LRPPRC: variants seen among roughly 807,000 people sequenced by gnomAD.
The protein encoded by LRPPRC is leucine-rich PPR motif-containing protein, mitochondrial.
LRPPRC carries 120 observed loss-of-function variants against 180.3 expected under a neutral mutation model. The ratio of observed to expected loss-of-function variants is 0.67; its 90% CI spans 0.57 to 0.77. The LOEUF (loss-of-function observed/expected upper bound fraction) is 0.77, where lower values mean the gene tolerates loss of function less well. Ranked by LOEUF, LRPPRC falls within the 30% of genes least tolerant of loss-of-function variation. The pLI is 0.00. For missense variants in LRPPRC, 2,012 were observed against 1,657.2 expected (o/e 1.21, Z -3.72); for synonymous variants, 723 against 600.0 (o/e 1.21, Z -3.00).
intron 27 of LRPPRC, among the ~76,000 whole-genome samples, chr2:43,923,929 G>A (rs1159016644): frequency 6.6e-6 from 1 of 152,046 alleles, no homozygotes; most frequent in Non-Finnish European, 1.5e-5. Context: ...TAAAATACAG[G>A]TTTTTAATTC....
chr2:43,969,144 G>A (rs1166142282), intron 11 of LRPPRC, among the ~76,000 whole-genome samples: 4 of 152,230 alleles, frequency 2.6e-5, no homozygotes, highest in Admixed American at 2.0e-4. Flanking sequence ...CGGGCGCAGA[G>A]GCTCACGCCT....
intron 33 of LRPPRC, 24 bp from the exon 34 acceptor site, chr2:43,899,358 A>G: frequency 1.2e-6 from 2 of 1,608,216 alleles, no homozygotes; most frequent in Non-Finnish European, 1.7e-6. Flanking sequence ...AGGTAAGAAA[A>G]ATCTTTCATT....
intron 17 of LRPPRC, 105 bp downstream of exon 17, chr2:43,948,307 A>T: frequency 1.1e-6 from 1 of 917,606 alleles, no homozygotes; most frequent in Non-Finnish European, 1.8e-6. Flanking sequence ...CAACTCTTGC[A>T]TGTCATTGAG....
intron 30 of LRPPRC, 106 bp downstream of exon 30, chr2:43,912,326 C>G: frequency 9.9e-7 from 1 of 1,005,726 alleles, no homozygotes. Context: ...TAGCTGAGGC[C>G]AATCAAGCAA....
At chr2:43,930,397 C>T (rs902639087) in intron 25 of LRPPRC, among the ~76,000 whole-genome samples, 2 of 152,140 alleles carry the variant, frequency 1.3e-5, no homozygotes, top group Non-Finnish European at 2.9e-5. Context: ...AACTACTATA[C>T]GTTGAGTATC....
intron 36 of LRPPRC, among the ~76,000 whole-genome samples, chr2:43,892,243 G>A (rs1032835027): frequency 1.3e-5 from 2 of 152,224 alleles, no homozygotes; most frequent in Admixed American, 6.5e-5. Context: ...ATTAGAAGAT[G>A]TCATCAAAGA....
chr2:43,955,813 G>A (rs1222431473), intron 14 of LRPPRC, among the ~76,000 whole-genome samples: 3 of 152,120 alleles, frequency 2.0e-5, no homozygotes, highest in Non-Finnish European at 2.9e-5. Context: ...CTAAAACCAA[G>A]GAGGGAAAAG....
chr2:43,982,485 A>T, intron 1 of LRPPRC, 51 bp from the exon 2 acceptor site: 1 of 1,403,488 alleles, frequency 7.1e-7, no homozygotes, highest in Non-Finnish European at 1.0e-6. Flanking sequence ...TATTTAGGTC[A>T]TTTTTTGAAC....
Position 43,888,413 on chromosome 2 carries a change from A to G in LRPPRC, c.*187T>C. 1 of 529,740 alleles carries G rather than the reference A, an allele frequency of 1.9e-6. No individual in the cohort carries two copies. The highest frequency in any genetic ancestry group is 3.4e-6 in the Non-Finnish European group (1 of 294,072). The allele number at this position is 529,740 out of a possible 1,614,324, so 32.8% of individuals were successfully genotyped here. ...AAAACACTATCGATTTTTCCCAGAG[A>G]AAAAAACTCCAAAAATGTCCAATAA... is the stretch of plus-strand genomic sequence containing the variant. On this transcript the variant is annotated 3_prime_UTR_variant, in exon 38 of 38. Coordinates refer to ENST00000260665, the MANE Select transcript of LRPPRC (RefSeq NM_133259.4).
intron 1 of LRPPRC, 77 bp downstream of exon 1, chr2:43,995,722 C>G: frequency 7.8e-7 from 1 of 1,287,180 alleles, no homozygotes; most frequent in Non-Finnish European, 1.0e-6. Flanking sequence ...CAGGCAGGAC[C>G]CGGTCCCTGC....
chr2:43,924,726 A>G lies in LRPPRC; in HGVS notation c.2896+341T>C, dbSNP rs7564639. ...TACATGAATGTGTTGGTGGTTACCT[A>G]TTTATAAAAGTCACCAATAAATTTA... On this transcript the variant is annotated intron_variant, in intron 27 of 37. Transcript: ENST00000260665. 9.6e-3 allele frequency among the ~76,000 whole-genome samples: 1,465 copies of G among 152,292 alleles called. 22 individuals are homozygous for G. The highest frequency in any genetic ancestry group is 0.033 in the African/African-American group (1,384 of 41,568).
chr2:43,934,057 C>T (rs566599152), intron 25 of LRPPRC, 133 bp downstream of exon 25: 11 of 638,686 alleles, frequency 1.7e-5, no homozygotes, highest in Non-Finnish European at 2.8e-5. Context: ...GATCCCCCTC[C>T]CCCAACATTA....
intron 12 of LRPPRC, among the ~76,000 whole-genome samples, chr2:43,962,678 G>C (rs1354109966): frequency 6.6e-6 from 1 of 152,060 alleles, no homozygotes; most frequent in Non-Finnish European, 1.5e-5. Context: ...CTCTGCTAAG[G>C]ACCAGAAGTA....
chr2:43,893,714 C>T (rs893981659), intron 36 of LRPPRC, among the ~76,000 whole-genome samples: 6 of 152,112 alleles, frequency 3.9e-5, no homozygotes, highest in Admixed American at 3.3e-4. Flanking sequence ...ACCATATCTT[C>T]CAGGTATGCC....
chr2:43,908,405 T>C (rs376515348), intron 30 of LRPPRC, among the ~76,000 whole-genome samples: 6 of 152,200 alleles, frequency 3.9e-5, no homozygotes, highest in Non-Finnish European at 7.3e-5. Context: ...CCATGGCTTA[T>C]TGGGAAGGTT....
At chr2:43,915,556 C>T (rs1192434900) in intron 29 of LRPPRC, among the ~76,000 whole-genome samples, 3 of 151,752 alleles carry the variant, frequency 2.0e-5, no homozygotes, top group Admixed American at 6.6e-5. Flanking sequence ...TGGTGGTGTG[C>T]GCCTGTAGTC....
At chr2:43,911,074 G>C (rs1035176412) in intron 30 of LRPPRC, among the ~76,000 whole-genome samples, 1 of 151,674 alleles carries the variant, frequency 6.6e-6, no homozygotes. Flanking sequence ...CCTTGACCTA[G>C]TGGTTACAGA....
intron 30 of LRPPRC, among the ~76,000 whole-genome samples, chr2:43,908,069 C>G (rs1671123668): frequency 6.6e-6 from 1 of 151,984 alleles, no homozygotes; most frequent in East Asian, 1.9e-4. Flanking sequence ...CAGGCCAATT[C>G]AACAAAAATC....
intron 11 of LRPPRC, among the ~76,000 whole-genome samples, chr2:43,972,621 A>G (rs1320927098): frequency 6.6e-6 from 1 of 152,242 alleles, no homozygotes; most frequent in Non-Finnish European, 1.5e-5. Context: ...TCAAACTAGC[A>G]TATTGTTTTC....
Sources: allele counts gnomAD v4.1 joint callset (sites outside exome capture counted in the v4.1 genomes callset), GRCh38; gene constraint gnomAD v4.1.1; transcripts MANE v1.5; gene names NCBI Gene and HGNC (gene_info 2026-07-23, HGNC 2026-07-21).